LRRC4C: variants seen among roughly 807,000 people sequenced by gnomAD.
The protein encoded by LRRC4C is leucine-rich repeat-containing protein 4C.
In LRRC4C, 5 loss-of-function variants were observed where a neutral mutation model predicts 33.6. The observed-to-expected ratio is 0.15, with a 90% CI of 0.08 to 0.31. The LOEUF is 0.31. Ranked by LOEUF, LRRC4C falls within the 10% of genes least tolerant of loss-of-function variation. The pLI, the probability that LRRC4C is intolerant of heterozygous loss-of-function variation, is 1.00. For missense variants in LRRC4C, 560 were observed against 796.7 expected (o/e 0.70, Z 3.58); for synonymous variants, 329 against 302.0 (o/e 1.09, Z -0.93).
chr11:41,208,233 G>C (rs1946678405), intron 1 of LRRC4C, among the ~76,000 whole-genome samples: 1 of 152,182 alleles, frequency 6.6e-6, no homozygotes, highest in South Asian at 2.1e-4. Context: ...AGTGTTTTGT[G>C]GAAGGTGGGA....
chr11:41,323,888 G>A (rs908948623), intron 1 of LRRC4C, among the ~76,000 whole-genome samples: 2 of 152,108 alleles, frequency 1.3e-5, no homozygotes, highest in Non-Finnish European at 2.9e-5. Flanking sequence ...TATATAAGGG[G>A]ACTATTTCAT....
chr11:41,215,333 C>CA (rs1445765304), intron 1 of LRRC4C, among the ~76,000 whole-genome samples: 1 of 151,452 alleles, frequency 6.6e-6, no homozygotes, highest in Non-Finnish European at 1.5e-5. Flanking sequence ...ACTAAAAATA[C>CA]AAAAAGTAGC....
At chr11:41,443,822 C>T (rs1329727573) in intron 1 of LRRC4C, among the ~76,000 whole-genome samples, 2 of 149,500 alleles carry the variant, frequency 1.3e-5, no homozygotes, top group Non-Finnish European at 3.0e-5. Flanking sequence ...GGGGTTTCAC[C>T]ATGTTGGCCA....
At chr11:41,107,902 A>C (rs1015805351) in intron 1 of LRRC4C, among the ~76,000 whole-genome samples, 4 of 151,740 alleles carry the variant, frequency 2.6e-5, no homozygotes, top group South Asian at 4.2e-4. Flanking sequence ...GCACCATTGC[A>C]CTCCAGCCTG....
At chr11:40,962,182 A>G (rs1210636756) in intron 1 of LRRC4C, among the ~76,000 whole-genome samples, 1 of 151,626 alleles carries the variant, frequency 6.6e-6, no homozygotes, top group African/African-American at 2.4e-5. Flanking sequence ...CAAGGATGAA[A>G]GCAGAAATCA....
intron 1 of LRRC4C, among the ~76,000 whole-genome samples, chr11:40,985,128 T>G (rs1158490359): frequency 2.0e-5 from 3 of 151,968 alleles, no homozygotes; most frequent in Middle Eastern, 3.4e-3. Flanking sequence ...GTGTGGCTTG[T>G]TCATACTTCT....
chr11:41,163,284 G>GTTTTTTTTTTGTTTTTTT (rs1944557990), intron 1 of LRRC4C, among the ~76,000 whole-genome samples: 3 of 73,382 alleles, frequency 4.1e-5, no homozygotes, highest in African/African-American at 1.0e-4. Flanking sequence ...TACTGTAACT[G>GTTTTTTTTTTGTTTTTTT]TTTTTTTTTT....
intron 3 of LRRC4C, among the ~76,000 whole-genome samples, chr11:40,585,417 T>G (rs1958677241): frequency 6.6e-6 from 1 of 151,784 alleles, no homozygotes; most frequent in Non-Finnish European, 1.5e-5. Context: ...AATATGTACA[T>G]GTACATGGAC....
chr11:41,156,758 A>G (rs989588367), intron 1 of LRRC4C, among the ~76,000 whole-genome samples: 2 of 151,992 alleles, frequency 1.3e-5, no homozygotes, highest in African/African-American at 4.8e-5. Context: ...AACTGAGGTG[A>G]GCCTTACTGG....
intron 5 of LRRC4C, among the ~76,000 whole-genome samples, chr11:40,223,815 A>G (rs1339886282): frequency 1.3e-5 from 2 of 152,192 alleles, no homozygotes; most frequent in African/African-American, 4.8e-5. Context: ...CCTTCCATTC[A>G]TGTATACTTT....
chr11:40,744,761 G>C (rs1216274794), intron 2 of LRRC4C, among the ~76,000 whole-genome samples: 1 of 152,120 alleles, frequency 6.6e-6, no homozygotes, highest in Non-Finnish European at 1.5e-5. Flanking sequence ...ATGCTATGCT[G>C]TAAGTCCAAA....
At chr11:40,872,254 A>T (rs1954686556) in intron 2 of LRRC4C, among the ~76,000 whole-genome samples, 1 of 151,844 alleles carries the variant, frequency 6.6e-6, no homozygotes, top group Non-Finnish European at 1.5e-5. Context: ...TTGGAGATCC[A>T]GTGTACCTTT....
chr11:40,288,972 T>C (rs1944019545), intron 4 of LRRC4C, among the ~76,000 whole-genome samples: 1 of 152,238 alleles, frequency 6.6e-6, no homozygotes, highest in Non-Finnish European at 1.5e-5. Flanking sequence ...AATTGCATTA[T>C]TTCCCTGTAA....
chr11:41,155,343 A>G (rs111719656), intron 1 of LRRC4C, among the ~76,000 whole-genome samples: 7 of 152,290 alleles, frequency 4.6e-5, no homozygotes, highest in African/African-American at 1.7e-4. Context: ...TAGCAAGAAC[A>G]TATTTTACAC....
At chr11:40,144,734 GA>G (rs1371813230) in intron 5 of LRRC4C, among the ~76,000 whole-genome samples, 7 of 152,168 alleles carry the variant, frequency 4.6e-5, no homozygotes, top group Non-Finnish European at 7.3e-5. Flanking sequence ...TAAATAATGT[GA>G]TTAAGGTTTA....
intron 2 of LRRC4C, among the ~76,000 whole-genome samples, chr11:40,758,410 T>A (rs1246885312): frequency 6.6e-6 from 1 of 151,998 alleles, no homozygotes; most frequent in Non-Finnish European, 1.5e-5. Flanking sequence ...GTTCCTGTTT[T>A]AAGGATTTAA....
chr11:41,070,547 C>T (rs193135260), intron 1 of LRRC4C, among the ~76,000 whole-genome samples: 47 of 152,124 alleles, frequency 3.1e-4, no homozygotes, highest in African/African-American at 1.1e-3. Flanking sequence ...CCAGAATCCA[C>T]AAGGAACTTA....
chr11:41,276,683 T>C (rs1293934895), intron 1 of LRRC4C, among the ~76,000 whole-genome samples: 1 of 152,184 alleles, frequency 6.6e-6, no homozygotes, highest in African/African-American at 2.4e-5. Context: ...AAAGAGATTT[T>C]GCAGATATGA....
At chr11:41,406,715 CACACA>C (rs1954252568) in intron 1 of LRRC4C, among the ~76,000 whole-genome samples, 1 of 115,464 alleles carries the variant, frequency 8.7e-6, no homozygotes, top group Non-Finnish European at 1.8e-5. Context: ...ACCACACACA[CACACA>C]CACACACACA....
Sources: allele counts gnomAD v4.1 joint callset (sites outside exome capture counted in the v4.1 genomes callset), GRCh38; gene constraint gnomAD v4.1.1; transcripts MANE v1.5; gene names NCBI Gene and HGNC (gene_info 2026-07-23, HGNC 2026-07-21).